PCDHGB5: variants seen among roughly 807,000 people sequenced by gnomAD.
PCDHGB5 encodes the protein protocadherin gamma subfamily B, 5, also known as protocadherin gamma-B5.
In PCDHGB5, 48 loss-of-function variants were observed where a neutral mutation model predicts 62.9. That is an observed-to-expected ratio of 0.76 (90% CI 0.61 to 0.97). PCDHGB5 has a LOEUF of 0.97. Ranked by LOEUF, PCDHGB5 falls within the 50% of genes least tolerant of loss-of-function variation. The probability of loss-of-function intolerance (pLI) is 0.00; values close to 1 mark genes in which losing one functional copy is unlikely to be tolerated. For missense variants in PCDHGB5, 1,118 were observed against 1,198.6 expected (o/e 0.93, Z 0.99); for synonymous variants, 474 against 511.2 (o/e 0.93, Z 0.98).
chr5:141,476,039 C>T lies in PCDHGB5; in HGVS notation c.2398-18768C>T. The T allele has an allele frequency of 1.3e-6, 2 of 1,484,358 alleles. No homozygotes were observed. The highest frequency in any genetic ancestry group is 1.8e-6 in the Non-Finnish European group (2 of 1,117,328). The allele number at this position is 1,484,358 out of a possible 1,614,324, so 91.9% of individuals were successfully genotyped here. On this transcript the variant is annotated intron_variant, in intron 1 of 3. Coordinates refer to ENST00000617380, the MANE Select transcript of PCDHGB5 (RefSeq NM_018925.3). The surrounding 1 kb of genome is among the most constrained non-coding windows in gnomAD (Gnocchi z 7.6). Reference sequence around the variant, plus strand: ...TCGGACTCGGCGCCCAGCGCCCAAGCGCTAACCCGCTGAAAGTTTCTCAGC... The same window carrying T: ...TCGGACTCGGCGCCCAGCGCCCAAGTGCTAACCCGCTGAAAGTTTCTCAGC...
intron 1 of PCDHGB5, among the ~76,000 whole-genome samples, chr5:141,407,707 G>C (rs894295431): frequency 1.3e-5 from 2 of 151,964 alleles, no homozygotes; most frequent in South Asian, 4.1e-4. Flanking sequence ...TTGAAGGTGG[G>C]GTGATGGCTA....
chr5:141,492,616 G>A (rs976681246), intron 1 of PCDHGB5, among the ~76,000 whole-genome samples: 1 of 152,252 alleles, frequency 6.6e-6, no homozygotes. Flanking sequence ...CTAAGTGCCG[G>A]GCGGGCAGGA....
chr5:141,412,942 A>G, intron 1 of PCDHGB5: 1 of 465,476 alleles, frequency 2.1e-6, no homozygotes, highest in Non-Finnish European at 3.8e-6. Flanking sequence ...TAGGACTCTG[A>G]GCGCCGCTGT....
In PCDHGB5 at chr5:141,489,514, C is replaced by T. The variant is rs141377711; in HGVS notation, c.2398-5293C>T. 63 of 1,613,926 alleles carry T rather than the reference C, an allele frequency of 3.9e-5. No homozygotes were observed. The highest frequency in any genetic ancestry group is 6.7e-5 in the Admixed American group (4 of 60,004). ...CCTGGCAGTGAATCAAAAGATTGAC[C>T]GAGAAAGCCTATGTGGAGCCAGCAC... On this transcript the variant is annotated intron_variant, in intron 1 of 3. Coordinates refer to ENST00000617380, the MANE Select transcript of PCDHGB5 (RefSeq NM_018925.3). This position sits in a 1 kb window ranked among gnomAD's most constrained non-coding sequence, Gnocchi z 4.5.
intron 1 of PCDHGB5, among the ~76,000 whole-genome samples, chr5:141,457,124 ACT>A (rs1304231701): frequency 6.6e-6 from 1 of 152,158 alleles, no homozygotes; most frequent in Non-Finnish European, 1.5e-5. Context: ...AGCAATGGAA[ACT>A]CTGTCCAATA....
At chr5:141,415,753 T>TG in intron 1 of PCDHGB5, 2 of 1,381,386 alleles carry the variant, frequency 1.4e-6, no homozygotes, top group Non-Finnish European at 1.9e-6. Context: ...TTTTTTTTTT[T>TG]TTTTTTTTTT....
At chr5:141,430,557 G>C (rs1161595629) in intron 1 of PCDHGB5, 5 of 412,906 alleles carry the variant, frequency 1.2e-5, no homozygotes, top group Non-Finnish European at 1.7e-5. Context: ...TTCACCAATC[G>C]GGGAGAGAAA....
chr5:141,476,897 A>G lies in PCDHGB5; in HGVS notation c.2398-17910A>G. ...CGTCCTGGAGGATGCACCCTCCGGC[A>G]CGCGCGTGGTACAAGTCCTTGCAAC... On this transcript the variant is annotated intron_variant, in intron 1 of 3. Coordinates refer to ENST00000617380, the MANE Select transcript of PCDHGB5 (RefSeq NM_018925.3). The surrounding 1 kb of genome is among the most constrained non-coding windows in gnomAD (Gnocchi z 7.6). 1 of 1,613,938 alleles carries G rather than the reference A, an allele frequency of 6.2e-7. No individual in the cohort carries two copies. Among genetic ancestry groups the G allele is most frequent in the Non-Finnish European group, 8.5e-7 (1 of 1,180,012 alleles).
At chr5:141,504,147 T>C (rs2099836026) in intron 2 of PCDHGB5, among the ~76,000 whole-genome samples, 1 of 152,198 alleles carries the variant, frequency 6.6e-6, no homozygotes, top group South Asian at 2.1e-4. Flanking sequence ...CCCCTGCAAA[T>C]TGAAATAATT....
intron 1 of PCDHGB5, among the ~76,000 whole-genome samples, chr5:141,481,555 C>T (rs1013876865): frequency 3.3e-5 from 5 of 152,164 alleles, no homozygotes; most frequent in South Asian, 2.1e-4. Flanking sequence ...CAGTGGCTCA[C>T]GCCTGTAATC....
intron 1 of PCDHGB5, among the ~76,000 whole-genome samples, chr5:141,479,798 G>C (rs892288776): frequency 6.6e-6 from 1 of 152,234 alleles, no homozygotes; most frequent in East Asian, 1.9e-4. Context: ...ATTAATTCAG[G>C]GTGGTATGCA....
At chr5:141,405,560 G>A in intron 1 of PCDHGB5, 1 of 613,636 alleles carries the variant, frequency 1.6e-6, no homozygotes, top group Non-Finnish European at 2.9e-6. Context: ...GAGTAGCTGG[G>A]ACTAGAGTAG....
In PCDHGB5 at chr5:141,414,973, A is replaced by G. The variant is rs533056439; in HGVS notation, c.2397+14449A>G. 1.9e-5 allele frequency: 30 copies of G among 1,613,870 alleles called. No homozygotes were observed. The African/African-American group carries it at 3.7e-4, about 20-fold the overall frequency. Reference sequence around the variant, plus strand: ...GGTGACCAAGGTGGTGGCGGTGGACAGAGACTCCGGCCAGAACGCCTGGCT... The same window carrying G: ...GGTGACCAAGGTGGTGGCGGTGGACGGAGACTCCGGCCAGAACGCCTGGCT... On this transcript the variant is annotated intron_variant, in intron 1 of 3. Transcript: ENST00000617380.
At chr5:141,414,773 A>G in intron 1 of PCDHGB5, 1 of 1,614,204 alleles carries the variant, frequency 6.2e-7, no homozygotes, top group Non-Finnish European at 8.5e-7. Flanking sequence ...CATGAGCTAC[A>G]GATGCAGGTG....
At chr5:141,484,425 A>G (rs2099596309) in intron 1 of PCDHGB5, among the ~76,000 whole-genome samples, 3 of 152,192 alleles carry the variant, frequency 2.0e-5, no homozygotes, top group African/African-American at 7.2e-5. Flanking sequence ...TACAATGAGA[A>G]CATGTACTGC....
intron 1 of PCDHGB5, chr5:141,417,773 T>C: frequency 6.9e-7 from 1 of 1,458,374 alleles, no homozygotes; most frequent in South Asian, 1.4e-5. Context: ...GGACTCCTCC[T>C]GTCCTGGGCC....
chr5:141,398,362 G>T lies in PCDHGB5; in HGVS notation c.235G>T (p.Ala79Ser), dbSNP rs1422597239. The change falls in exon 1 of 4, where the codon GCA (alanine) becomes TCA (serine). Residue 79 changes from alanine to serine, a missense_variant. Ala to Ser is a moderately conservative substitution (Grantham distance 99). Coordinates refer to ENST00000617380, the MANE Select transcript of PCDHGB5 (RefSeq NM_018925.3). ...GGAGAAGCCTTACTTCACCGTGAGC[G>T]CAGAGAGCGGGGAGTTGCTTGTGAG... Reference protein sequence around the residue: ...SSEKPYFTVSAESGELLVSSR... With the variant: ...SSEKPYFTVSSESGELLVSSR... The T allele has an allele frequency of 3.5e-6, 5 of 1,413,346 alleles. No individual in the cohort carries two copies. Among genetic ancestry groups the T allele is most frequent in the Admixed American group, 1.9e-5 (1 of 51,888 alleles). 87.6% of individuals were successfully genotyped at this position (1,413,346 alleles called of 1,614,324 possible).
chr5:141,434,073 A>G (rs1372471160), intron 1 of PCDHGB5, among the ~76,000 whole-genome samples: 2 of 152,058 alleles, frequency 1.3e-5, no homozygotes, highest in African/African-American at 4.8e-5. Flanking sequence ...GTTAATATCA[A>G]TTATTTATTT....
At chr5:141,411,489 T>C (rs1229059443) in intron 1 of PCDHGB5, 1 of 152,090 alleles carries the variant, frequency 6.6e-6, no homozygotes, top group Non-Finnish European at 1.5e-5. Context: ...GAGGCTGAGC[T>C]GGGTGGATTG....
Sources: gnomAD v4.1 joint callset for allele counts (sites outside exome capture counted in the v4.1 genomes callset) on GRCh38, gnomAD v4.1.1 for gene constraint, Gnocchi (gnomAD v3.1) non-coding constraint, MANE v1.5 for transcripts, NCBI Gene and HGNC (gene_info 2026-07-23, HGNC 2026-07-21) for gene names.